MAML2: variants seen among roughly 807,000 people sequenced by gnomAD.
The protein encoded by MAML2 is mastermind like transcriptional coactivator 2.
A neutral mutation model predicts 96.1 loss-of-function variants in MAML2; 22 were observed. That is an observed-to-expected ratio of 0.23 (90% CI 0.16 to 0.33). The LOEUF is 0.33. Among genes scored for constraint, MAML2 ranks in the 10% least tolerant of loss-of-function variants. MAML2 has a pLI of 1.00. For synonymous variants in MAML2, 561 were observed against 521.3 expected, an observed-to-expected ratio of 1.08 and a Z score of -1.04; for missense variants, 1,367 against 1,392.4, an observed-to-expected ratio of 0.98 and a Z score of 0.29.
intron 1 of MAML2, among the ~76,000 whole-genome samples, chr11:96,254,097 T>A (rs1443933365): frequency 6.6e-6 from 1 of 152,204 alleles, no homozygotes; most frequent in East Asian, 1.9e-4. Flanking sequence ...TAGAGGTATT[T>A]TAAAACACAC....
intron 1 of MAML2, among the ~76,000 whole-genome samples, chr11:96,213,388 T>C (rs1002622466): frequency 6.6e-6 from 1 of 152,200 alleles, no homozygotes; most frequent in African/African-American, 2.4e-5. Flanking sequence ...CTACTCTACT[T>C]TATGATCTTT....
intron 2 of MAML2, among the ~76,000 whole-genome samples, chr11:96,068,438 T>TCACACACACACACACA (rs10522513): frequency 0.043 from 5,227 of 120,264 alleles, 230 homozygotes; most frequent in Middle Eastern, 0.085. Flanking sequence ...GGAGCTTACT[T>TCACACACACACACACA]CACACACACA....
intron 1 of MAML2, among the ~76,000 whole-genome samples, chr11:96,261,249 C>T (rs2135973393): frequency 6.6e-6 from 1 of 152,074 alleles, no homozygotes; most frequent in South Asian, 2.1e-4. Context: ...CACGCTCAGC[C>T]CCCTCCGCCA....
chr11:96,213,084 T>A (rs1418811755), intron 1 of MAML2, among the ~76,000 whole-genome samples: 2 of 152,178 alleles, frequency 1.3e-5, no homozygotes, highest in African/African-American at 2.4e-5. Flanking sequence ...TAGCCTATTT[T>A]ACAGGTGAGG....
intron 1 of MAML2, among the ~76,000 whole-genome samples, chr11:96,155,224 T>C (rs375143164): frequency 2.0e-4 from 30 of 152,120 alleles, no homozygotes; most frequent in African/African-American, 6.5e-4. Flanking sequence ...ATGCTCTACA[T>C]TGGGCTCCCT....
At chr11:96,023,282 G>A (rs1298284397) in intron 2 of MAML2, among the ~76,000 whole-genome samples, 2 of 152,206 alleles carry the variant, frequency 1.3e-5, no homozygotes, top group African/African-American at 2.4e-5. Flanking sequence ...AGCTGCAGAC[G>A]GCATTGTTGC....
chr11:96,187,130 C>A (rs1374666181), intron 1 of MAML2, among the ~76,000 whole-genome samples: 1 of 152,088 alleles, frequency 6.6e-6, no homozygotes, highest in African/African-American at 2.4e-5. Flanking sequence ...TCTTTCTTAC[C>A]TCTGTGAATC....
intron 1 of MAML2, among the ~76,000 whole-genome samples, chr11:96,176,382 T>C (rs1284548587): frequency 6.6e-6 from 1 of 152,270 alleles, no homozygotes; most frequent in African/African-American, 2.4e-5. Context: ...GCGATTTATA[T>C]ACATTATTAC....
chr11:96,145,092 T>C (rs1170194117), intron 1 of MAML2, among the ~76,000 whole-genome samples: 1 of 152,216 alleles, frequency 6.6e-6, no homozygotes, highest in Non-Finnish European at 1.5e-5. Flanking sequence ...CACTGGACTC[T>C]CAAAAACAAG....
intron 1 of MAML2, among the ~76,000 whole-genome samples, chr11:96,259,237 A>G (rs567362629): frequency 6.6e-6 from 1 of 152,142 alleles, no homozygotes; most frequent in African/African-American, 2.4e-5. Context: ...ACTCAGTCCT[A>G]TTCTTTCCAG....
chr11:96,199,915 CA>C (rs1861793603), intron 1 of MAML2, among the ~76,000 whole-genome samples: 1 of 152,052 alleles, frequency 6.6e-6, no homozygotes, highest in South Asian at 2.1e-4. Flanking sequence ...GGACGAATGC[CA>C]AAATGCAGAT....
At chr11:96,292,820 G>A (rs555614776) in intron 1 of MAML2, among the ~76,000 whole-genome samples, 53 of 152,200 alleles carry the variant, frequency 3.5e-4, no homozygotes, top group Admixed American at 7.9e-4. Context: ...CACAGTGTGA[G>A]TTTATGAGAG....
chr11:96,203,353 C>T (rs1466790694), intron 1 of MAML2, among the ~76,000 whole-genome samples: 2 of 152,134 alleles, frequency 1.3e-5, no homozygotes, highest in Admixed American at 6.5e-5. Flanking sequence ...ATGAATACAC[C>T]AATTGACTAG....
chr11:96,026,474 A>G (rs1858519423), intron 2 of MAML2, among the ~76,000 whole-genome samples: 1 of 152,174 alleles, frequency 6.6e-6, no homozygotes, highest in Non-Finnish European at 1.5e-5. Context: ...ATCGGCTTCT[A>G]CCGTGGTGAG....
Position 96,093,101 on chromosome 11 carries a change from G to C in MAML2, c.930C>G (p.Phe310Leu), listed in dbSNP as rs1165716676. ...QLMDPELQEL[F>L]NELTNISVPP... Reference sequence around the variant, plus strand: ...GCACAGATATGTTGGTCAGTTCATTGAACAGTTCCTGCAGCTCAGGATCCA... The same window carrying C: ...GCACAGATATGTTGGTCAGTTCATTCAACAGTTCCTGCAGCTCAGGATCCA... Residue 310 changes from phenylalanine to leucine, a missense_variant, in exon 2 of 5, where the codon TTC (phenylalanine) becomes TTG (leucine). Physicochemically the swap from Phe to Leu is conservative, Grantham distance 22. Coordinates refer to ENST00000524717, the MANE Select transcript of MAML2 (RefSeq NM_032427.4). 2.5e-6 allele frequency: 4 copies of C among 1,613,850 alleles called. No individual in the cohort carries two copies. In the Admixed American group the frequency reaches 6.7e-5, roughly 27 times the overall value.
Position 96,255,865 on chromosome 11 carries a change from C to CTTT in MAML2, c.513+85515_513+85517dup, listed in dbSNP as rs141609329. The stretch of plus-strand genomic sequence containing the variant: ...TGTGGAGATAATTTCCCCCCACCGC[C>CTTT]TTTTTTTTTTTTTTTTTTTTTTTTT... On this transcript the variant is annotated intron_variant, in intron 1 of 4. Coordinates refer to ENST00000524717, the MANE Select transcript of MAML2 (RefSeq NM_032427.4). Among the ~76,000 whole-genome samples the CTTT allele has an allele frequency of 2.3e-3, 179 of 77,928 alleles. 4 individuals are homozygous for CTTT. Among genetic ancestry groups the CTTT allele is most frequent in the East Asian group, 5.7e-3 (12 of 2,118 alleles). 51.1% of individuals were successfully genotyped at this position (77,928 alleles called of 152,430 possible).
rs961577315 is a variant in MAML2, at chr11:96,024,798, G to A, written c.2140-33075C>T. On this transcript the variant is annotated intron_variant, in intron 2 of 4. Transcript: ENST00000524717. ...ATATTTTGTGCAGGAGGCCTAGACTGCCCTGCCACTCCTTCTCCTTCTGCT... is the reference window on the plus strand; with the variant it reads ...ATATTTTGTGCAGGAGGCCTAGACTACCCTGCCACTCCTTCTCCTTCTGCT... Among the ~76,000 whole-genome samples, 7 of 152,256 alleles carry A rather than the reference G, an allele frequency of 4.6e-5. No individual in the cohort carries two copies. In the East Asian group the frequency reaches 1.2e-3, roughly 25 times the overall value.
At chr11:96,240,615 T>C (rs1030426039) in intron 1 of MAML2, among the ~76,000 whole-genome samples, 3 of 148,706 alleles carry the variant, frequency 2.0e-5, no homozygotes, top group Non-Finnish European at 3.0e-5. Flanking sequence ...GTCAGTGTTA[T>C]ATATTTAGTG....
chr11:96,054,738 C>A (rs1330104697), intron 2 of MAML2, among the ~76,000 whole-genome samples: 1 of 152,112 alleles, frequency 6.6e-6, no homozygotes, highest in Non-Finnish European at 1.5e-5. Flanking sequence ...CTTCCAAAGG[C>A]ATTTTTGCAG....
Sources: allele counts gnomAD v4.1 joint callset (sites outside exome capture counted in the v4.1 genomes callset), GRCh38; gene constraint gnomAD v4.1.1; transcripts MANE v1.5; gene names NCBI Gene and HGNC (gene_info 2026-07-23, HGNC 2026-07-21).